The following TRPM6 variants were observed in gnomAD, a reference collection of about 807,000 sequenced individuals.
The protein encoded by TRPM6 is transient receptor potential cation channel subfamily M member 6.
Under a neutral mutation model 247.6 loss-of-function variants are expected in TRPM6, and 111 were observed. The observed-to-expected ratio is 0.45, with a 90% CI of 0.38 to 0.52. The LOEUF (loss-of-function observed/expected upper bound fraction) is 0.52. TRPM6 is among the 20% of genes least tolerant of loss of function. The pLI, the probability that TRPM6 is intolerant of heterozygous loss-of-function variation, is 0.00. For synonymous variants in TRPM6, 892 were observed against 853.8 expected (o/e 1.04, Z -0.78); for missense variants, 2,126 against 2,421.5 (o/e 0.88, Z 2.56).
intron 1 of TRPM6, among the ~76,000 whole-genome samples, chr9:74,868,247 C>A (rs1186431909): frequency 6.6e-6 from 1 of 151,358 alleles, no homozygotes; most frequent in Non-Finnish European, 1.5e-5. Context: ...GTAATCCCAA[C>A]ACTTAGGGAG....
intron 20 of TRPM6, among the ~76,000 whole-genome samples, chr9:74,786,961 G>A (rs1020192440): frequency 3.3e-5 from 5 of 152,150 alleles, no homozygotes; most frequent in African/African-American, 1.2e-4. Flanking sequence ...CACTTTGGGA[G>A]GCCGAGGCAG....
chr9:74,842,421 T>G, intron 3 of TRPM6, 78 bp from the exon 4 acceptor site: 1 of 1,399,908 alleles, frequency 7.1e-7, no homozygotes, highest in Non-Finnish European at 1.0e-6. Flanking sequence ...TCTAAAGTAA[T>G]GTATAGATGC....
chr9:74,826,761 CAG>C (rs1187970172), intron 7 of TRPM6: 3 of 122,924 alleles, frequency 2.4e-5, no homozygotes, highest in East Asian at 4.6e-4. Context: ...TTTTTTGAGA[CAG>C]AGTCTTGCTC....
intron 1 of TRPM6, among the ~76,000 whole-genome samples, chr9:74,876,000 A>G (rs1314445759): frequency 6.6e-6 from 1 of 152,238 alleles, no homozygotes; most frequent in Non-Finnish European, 1.5e-5. Flanking sequence ...AGATATCTAC[A>G]TTCCCCAAGA....
intron 27 of TRPM6, among the ~76,000 whole-genome samples, chr9:74,757,944 T>C (rs1826488032): frequency 6.6e-6 from 1 of 152,012 alleles, no homozygotes; most frequent in Non-Finnish European, 1.5e-5. Flanking sequence ...TAAAATAAAA[T>C]GTTAGGAACA....
intron 1 of TRPM6, 106 bp downstream of exon 1, chr9:74,887,718 G>C: frequency 1.2e-6 from 2 of 1,612,774 alleles, no homozygotes; most frequent in South Asian, 2.2e-5. Context: ...ATCCTCGTTA[G>C]ATGTAGTGTC....
chr9:74,801,847 C>A, intron 16 of TRPM6, 51 bp downstream of exon 16: 1 of 1,600,810 alleles, frequency 6.2e-7, no homozygotes. Context: ...AAGTGTCTAA[C>A]CATTCTAAGA....
intron 19 of TRPM6, 56 bp from the exon 20 acceptor site, chr9:74,788,798 C>A: frequency 6.2e-7 from 1 of 1,600,086 alleles, no homozygotes; most frequent in Non-Finnish European, 8.5e-7. Context: ...TGGAGCATGC[C>A]AAGGAGACGC....
intron 19 of TRPM6, among the ~76,000 whole-genome samples, chr9:74,791,761 T>A (rs1051323353): frequency 2.6e-5 from 4 of 152,088 alleles, no homozygotes; most frequent in African/African-American, 9.7e-5. Context: ...CAATTGCTGA[T>A]TTTCTTTTTT....
chr9:74,834,166 G>T, intron 5 of TRPM6, 44 bp from the exon 6 acceptor site: 9 of 1,612,028 alleles, frequency 5.6e-6, no homozygotes, highest in South Asian at 1.1e-5. Flanking sequence ...TTCACAAATC[G>T]TGCAAAACAA....
chr9:74,870,703 C>A (rs1321602273), intron 1 of TRPM6, among the ~76,000 whole-genome samples: 1 of 152,144 alleles, frequency 6.6e-6, no homozygotes, highest in Non-Finnish European at 1.5e-5. Flanking sequence ...GTGGGTGGAT[C>A]ACCTGAGGTC....
intron 3 of TRPM6, among the ~76,000 whole-genome samples, chr9:74,844,237 CA>C (rs1215347466): frequency 6.6e-6 from 1 of 152,192 alleles, no homozygotes; most frequent in Admixed American, 6.5e-5. Context: ...CACAAACCTC[CA>C]ATTGTCTCCT....
At chr9:74,748,969 A>G (rs1826144970) in intron 30 of TRPM6, among the ~76,000 whole-genome samples, 1 of 152,304 alleles carries the variant, frequency 6.6e-6, no homozygotes, top group South Asian at 2.1e-4. Flanking sequence ...CATCCTATAC[A>G]GGTGTACCAT....
intron 1 of TRPM6, among the ~76,000 whole-genome samples, chr9:74,882,587 T>C (rs1587612348): frequency 6.6e-6 from 1 of 152,266 alleles, no homozygotes; most frequent in East Asian, 1.9e-4. Flanking sequence ...TTAAAATGGT[T>C]ATCATAAAGA....
At chr9:74,781,762 C>T (rs1381432639) in intron 23 of TRPM6, among the ~76,000 whole-genome samples, 3 of 152,058 alleles carry the variant, frequency 2.0e-5, no homozygotes, top group South Asian at 4.1e-4. Flanking sequence ...GAACTTACTG[C>T]CTAATCACAA....
At chr9:74,852,473 CT>C (rs1564050277) in intron 3 of TRPM6, among the ~76,000 whole-genome samples, 2 of 150,760 alleles carry the variant, frequency 1.3e-5, no homozygotes. Flanking sequence ...CTCCCTCTCC[CT>C]CTCCCTCTCC....
chr9:74,802,166 TAG>T lies in TRPM6; in HGVS notation c.1739_1740del (p.Ser580TyrfsTer5). On this transcript the variant is annotated frameshift_variant, in exon 16 of 39. Transcript: ENST00000360774. LOFTEE classifies it high-confidence loss of function. The stretch of plus-strand genomic sequence containing the variant: ...TTCTTCCTTGATTTATGAAGGACTA[TAG>T]ACTTTTCCTGTTGGAAAATAAAATA... ...TAQPYKFKEK[S>X]IVLHKSRKKS... is the part of the protein sequence containing the mutation. The T allele has an allele frequency of 6.2e-7, 1 of 1,613,576 alleles. No individual in the cohort carries two copies. The highest frequency in any genetic ancestry group is 8.5e-7 in the Non-Finnish European group (1 of 1,179,520).
intron 3 of TRPM6, among the ~76,000 whole-genome samples, chr9:74,854,656 T>A (rs1400006885): frequency 6.6e-6 from 1 of 152,032 alleles, no homozygotes; most frequent in Non-Finnish European, 1.5e-5. Context: ...GGGTTCCAAT[T>A]TTTTATTTTA....
intron 1 of TRPM6, among the ~76,000 whole-genome samples, chr9:74,883,709 A>T (rs533429480): frequency 9.8e-5 from 15 of 152,350 alleles, no homozygotes; most frequent in South Asian, 6.2e-4. Flanking sequence ...CAATTTATTT[A>T]AAAACACATG....
Sources: gnomAD v4.1 joint callset for allele counts (sites outside exome capture counted in the v4.1 genomes callset) on GRCh38, gnomAD v4.1.1 for gene constraint, MANE v1.5 for transcripts, NCBI Gene and HGNC (gene_info 2026-07-23, HGNC 2026-07-21) for gene names.